The following KMT5B variants were observed in gnomAD, a reference collection of about 807,000 sequenced individuals.
KMT5B encodes histone-lysine N-methyltransferase KMT5B.
Under a neutral mutation model 83.2 loss-of-function variants are expected in KMT5B, and 10 were observed. The observed-to-expected ratio is 0.12, with a 90% CI of 0.07 to 0.20. The LOEUF (loss-of-function observed/expected upper bound fraction) is 0.20. Among genes scored for constraint, KMT5B ranks in the 10% least tolerant of loss-of-function variants. KMT5B has a pLI of 1.00. For synonymous variants in KMT5B, 349 were observed against 388.8 expected, an observed-to-expected ratio of 0.90 and a Z score of 1.20; for missense variants, 753 against 1,067.2, an observed-to-expected ratio of 0.71 and a Z score of 4.10.
chr11:68,158,372 A>G lies in KMT5B; in HGVS notation c.1974T>C (p.Thr658=). The part of the protein sequence containing the change: ...PHSDQGEHSG[T]VGVPVSYTDC... ...CTGTGTAGCTCACAGGCACGCCCAC[A>G]GTGCCACTGTGCTCACCCTGGTCAG... The change falls in exon 11 of 11, where the codon ACT becomes ACC. Residue 658 remains threonine, a synonymous_variant. Coordinates refer to ENST00000304363, the MANE Select transcript of KMT5B (RefSeq NM_017635.5). The G allele has an allele frequency of 6.2e-7, 1 of 1,614,174 alleles. No individual in the cohort carries two copies. Among genetic ancestry groups the G allele is most frequent in the Non-Finnish European group, 8.5e-7 (1 of 1,180,000 alleles).
chr11:68,185,978 A>G, intron 2 of KMT5B, 50 bp from the exon 3 acceptor site: 1 of 1,522,798 alleles, frequency 6.6e-7, no homozygotes, highest in Non-Finnish European at 8.9e-7. Flanking sequence ...AACTACTTAA[A>G]TCTGCCTTAA....
In KMT5B at chr11:68,171,691, T is replaced by C. The variant is rs751726177; in HGVS notation, c.672A>G (p.Ile224Met). 1 of 1,612,094 alleles carries C rather than the reference T, an allele frequency of 6.2e-7. No homozygotes were observed. Among genetic ancestry groups the C allele is most frequent in the African/African-American group, 1.3e-5 (1 of 74,852 alleles). The change falls in exon 7 of 11, where the codon ATA becomes ATG. Residue 224 changes from isoleucine to methionine, a missense_variant. Physicochemically the swap from Ile to Met is conservative, Grantham distance 10 (BLOSUM62 1). This residue lies in a region of KMT5B where 34 missense variants were observed against 172.5 expected (regional missense o/e 0.20). Transcript: ENST00000304363. This position sits in a 1 kb window ranked among gnomAD's most constrained non-coding sequence, Gnocchi z 5.1. ...ATKEWKRNDK[I>M]ELLVGCIAEL... Reference sequence around the variant, plus strand: ...CGGCAATACAACCCACCAGTAATTCTATTTTGTCATTTCGTTTCCTATTTA... The same window carrying C: ...CGGCAATACAACCCACCAGTAATTCCATTTTGTCATTTCGTTTCCTATTTA...
At chr11:68,175,736 G>GA (rs1286745396) in intron 4 of KMT5B, among the ~76,000 whole-genome samples, 2 of 152,118 alleles carry the variant, frequency 1.3e-5, no homozygotes, top group Admixed American at 6.5e-5. Context: ...TACACAGTCA[G>GA]AAAAAACCCC....
chr11:68,194,032 T>C (rs1309784421), intron 1 of KMT5B, among the ~76,000 whole-genome samples: 1 of 152,070 alleles, frequency 6.6e-6, no homozygotes, highest in Admixed American at 6.6e-5. Context: ...GGTGGTCCAT[T>C]GGGAGCCTTG....
intron 4 of KMT5B, chr11:68,176,807 C>A (rs1379711715): frequency 6.6e-6 from 1 of 151,862 alleles, no homozygotes; most frequent in African/African-American, 2.4e-5. Context: ...AAACGTCCAA[C>A]AGAAAAAAGG....
rs1193322231 is a variant in KMT5B at position 68,158,802 on chromosome 11, C to G, written c.1544G>C (p.Arg515Thr). ...ASGCLTRHAA[R>T]EHRQNPVRGA... ...TCTCACAGGATTCTGTCTGTGTTCT[C>G]TCGCCGCGTGTCTAGTCAAGCACCC... The change falls in exon 11 of 11, where the codon AGA becomes ACA. Residue 515 changes from arginine to threonine, a missense_variant. Coordinates refer to ENST00000304363, the MANE Select transcript of KMT5B (RefSeq NM_017635.5). 2 of 1,614,038 alleles carry G rather than the reference C, an allele frequency of 1.2e-6. No homozygotes were observed. Among genetic ancestry groups the G allele is most frequent in the Non-Finnish European group, 1.7e-6 (2 of 1,180,046 alleles).
intron 1 of KMT5B, among the ~76,000 whole-genome samples, chr11:68,210,507 A>C (rs1409646915): frequency 6.6e-6 from 1 of 152,206 alleles, no homozygotes; most frequent in Non-Finnish European, 1.5e-5. Context: ...TCTAGGCCCT[A>C]TCAATGACTT....
At chr11:68,204,207 C>T (rs1390845301) in intron 1 of KMT5B, among the ~76,000 whole-genome samples, 1 of 152,184 alleles carries the variant, frequency 6.6e-6, no homozygotes, top group East Asian at 1.9e-4. Context: ...ACTTGTTGAG[C>T]TAACAGCTCT....
chr11:68,190,235 G>T (rs1030082207), intron 1 of KMT5B, 83 bp from the exon 2 acceptor site: 4 of 643,906 alleles, frequency 6.2e-6, no homozygotes, highest in Non-Finnish European at 2.7e-6. Context: ...CCTTGAGAAA[G>T]ATATATAATA....
chr11:68,158,320 A>G lies in KMT5B; in HGVS notation c.2026T>C (p.Ser676Pro). 1 of 1,614,158 alleles carries G rather than the reference A, an allele frequency of 6.2e-7. No individual in the cohort carries two copies. Among genetic ancestry groups the G allele is most frequent in the Non-Finnish European group, 8.5e-7 (1 of 1,180,026 alleles). ...TTGAAGCTATCTGATGTCACAACTG[A>G]ACAACCGACGGGTGAAGGAGCACAG... ...TDCAPSPVGC[S>P]VVTSDSFKTK... is the part of the protein sequence containing the mutation. The change falls in exon 11 of 11, where the codon TCA becomes CCA. Residue 676 changes from serine to proline, a missense_variant. This residue lies in a region of KMT5B where 397 missense variants were observed against 395.9 expected (regional missense o/e 1.00). Coordinates refer to ENST00000304363, the MANE Select transcript of KMT5B (RefSeq NM_017635.5).
At chr11:68,195,610 A>C (rs984496095) in intron 1 of KMT5B, among the ~76,000 whole-genome samples, 16 of 152,218 alleles carry the variant, frequency 1.1e-4, no homozygotes, top group African/African-American at 3.9e-4. Context: ...AATACACAGA[A>C]TACTACCATG....
chr11:68,213,022 T>G (rs949023541), intron 1 of KMT5B, 116 bp downstream of exon 1: 520 of 8,544 alleles, frequency 0.061, 1 homozygote, highest in African/African-American at 0.18. Flanking sequence ...CCACCCGCCC[T>G]GGCCCCGGAG....
chr11:68,182,199 A>G (rs916456185), intron 3 of KMT5B, among the ~76,000 whole-genome samples: 1 of 152,322 alleles, frequency 6.6e-6, no homozygotes. Flanking sequence ...TTATGACTAC[A>G]TAGTTTTACG....
At chr11:68,211,576 G>A (rs1474824495) in intron 1 of KMT5B, among the ~76,000 whole-genome samples, 1 of 152,210 alleles carries the variant, frequency 6.6e-6, no homozygotes, top group Admixed American at 6.5e-5. Context: ...AAGGGTCTAT[G>A]AGCACCTACT....
chr11:68,174,684 C>A (rs1225210435), intron 5 of KMT5B, among the ~76,000 whole-genome samples: 1 of 152,142 alleles, frequency 6.6e-6, no homozygotes, highest in African/African-American at 2.4e-5. Context: ...TACAAAGGTA[C>A]ACACTACTAT....
chr11:68,202,915 C>G (rs867104640), intron 1 of KMT5B, among the ~76,000 whole-genome samples: 2 of 152,088 alleles, frequency 1.3e-5, no homozygotes, highest in Non-Finnish European at 2.9e-5. Flanking sequence ...TTTGAGTACC[C>G]GCTTTAATTC....
chr11:68,170,103 T>C (rs1050504952), intron 9 of KMT5B, among the ~76,000 whole-genome samples: 11 of 152,200 alleles, frequency 7.2e-5, no homozygotes, highest in Non-Finnish European at 1.5e-4. Flanking sequence ...CTGCAACCTC[T>C]AGGCTGGCTA....
At chr11:68,170,224 TG>T (rs1855715371) in intron 9 of KMT5B, among the ~76,000 whole-genome samples, 1 of 152,242 alleles carries the variant, frequency 6.6e-6, no homozygotes, top group African/African-American at 2.4e-5. Flanking sequence ...GACTGGGGTC[TG>T]ATACTTATGT....
chr11:68,166,069 G>A (rs1476584844), intron 10 of KMT5B: 2 of 1,543,858 alleles, frequency 1.3e-6, no homozygotes, highest in Non-Finnish European at 1.7e-6. Flanking sequence ...GGACATTTAA[G>A]TGCCAACAAA....
Sources: gnomAD v4.1 joint callset for allele counts (sites outside exome capture counted in the v4.1 genomes callset) on GRCh38, gnomAD v4.1.1 for gene constraint, gnomAD v4.1.1 regional missense constraint, Gnocchi (gnomAD v3.1) non-coding constraint, MANE v1.5 for transcripts, NCBI Gene and HGNC (gene_info 2026-07-23, HGNC 2026-07-21) for gene names.